Variants in TLN2 observed in about 807,000 individuals in gnomAD.
The protein encoded by TLN2 is talin 2, also known as talin-2.
TLN2 carries 118 observed loss-of-function variants against 294.7 expected under a neutral mutation model. The ratio of observed to expected loss-of-function variants is 0.40; its 90% CI spans 0.34 to 0.47. The LOEUF (loss-of-function observed/expected upper bound fraction) is 0.47. TLN2 is among the 20% of genes least tolerant of loss of function. TLN2 has a pLI of 0.84. For synonymous variants in TLN2, 1,431 were observed against 1,304.5 expected, an observed-to-expected ratio of 1.10 and a Z score of -2.09; for missense variants, 3,083 against 3,282.2, an observed-to-expected ratio of 0.94 and a Z score of 1.48.
intron 45 of TLN2, among the ~76,000 whole-genome samples, chr15:62,788,324 CAAAG>C (rs2064843089): frequency 6.6e-6 from 1 of 152,046 alleles, no homozygotes; most frequent in Non-Finnish European, 1.5e-5. Context: ...AAAAAAGAAA[CAAAG>C]AATTTCCTTT....
At chr15:62,631,649 C>CT (rs2049896649) in intron 3 of TLN2, among the ~76,000 whole-genome samples, 2 of 110,064 alleles carry the variant, frequency 1.8e-5, no homozygotes, top group South Asian at 5.7e-4. Flanking sequence ...CTCTTTCTTT[C>CT]CTTCTTTTTC....
rs1470195435 is a variant in TLN2 at position 62,805,451 on chromosome 15, G to A, written c.6478-149G>A. The A allele has an allele frequency of 1.6e-5, 12 of 754,610 alleles. No homozygotes were observed. In the East Asian group the frequency reaches 3.3e-4, roughly 21 times the overall value. The allele number at this position is 754,610 out of a possible 1,614,324, so 46.7% of individuals were successfully genotyped here. A position where few individuals can be genotyped will look rare whatever the true frequency, so the allele number is the denominator to read the frequency against. The stretch of plus-strand genomic sequence containing the variant: ...TCTTGAAAACAAGAACCATATTACT[G>A]TACTCAAATTTCTAATTTCGCCATG... On this transcript the variant is annotated intron_variant, in intron 50 of 58. Transcript: ENST00000636159.
At chr15:62,759,536 T>C (rs1490971226) in intron 37 of TLN2, among the ~76,000 whole-genome samples, 3 of 152,248 alleles carry the variant, frequency 2.0e-5, no homozygotes, top group Non-Finnish European at 4.4e-5. Context: ...TGAGTTGTCA[T>C]CTTTTTAGTC....
At chr15:62,465,114 T>G (rs1006989048) in intron 1 of TLN2, among the ~76,000 whole-genome samples, 1 of 143,150 alleles carries the variant, frequency 7.0e-6, no homozygotes, top group African/African-American at 2.6e-5. Flanking sequence ...GTTTTTTTTT[T>G]TTTTTTTTTT....
At chr15:62,782,243 G>A (rs2064238584) in intron 44 of TLN2, among the ~76,000 whole-genome samples, 1 of 152,216 alleles carries the variant, frequency 6.6e-6, no homozygotes. Context: ...TTCATTCATG[G>A]AAACTCTGTG....
intron 11 of TLN2, among the ~76,000 whole-genome samples, chr15:62,684,625 G>A (rs1029885193): frequency 4.6e-5 from 7 of 151,808 alleles, no homozygotes; most frequent in Admixed American, 3.9e-4. Flanking sequence ...AGATGCCCAT[G>A]GTGAGGGCGG....
At chr15:62,561,537 C>T (rs1427762607) in intron 1 of TLN2, 1 of 152,276 alleles carries the variant, frequency 6.6e-6, no homozygotes, top group Admixed American at 6.5e-5. Flanking sequence ...AACTTCTCCG[C>T]CCTTCTCTTG....
At chr15:62,526,090 A>G (rs541692935) in intron 1 of TLN2, among the ~76,000 whole-genome samples, 15 of 152,338 alleles carry the variant, frequency 9.8e-5, no homozygotes, top group African/African-American at 3.1e-4. Flanking sequence ...TACATACTCA[A>G]TTAACAAACT....
Position 62,708,492 on chromosome 15 carries a change from C to A in TLN2, c.2173-10C>A, listed in dbSNP as rs2059212767. ...CACAGTGCCCAAAACCTGTTCCTGT[C>A]TCACTTCAGGTTGTGAGCCCCACTA... On this transcript the variant is annotated splice_polypyrimidine_tract_variant and intron_variant, in intron 20 of 58. Transcript: ENST00000636159. 6.2e-6 allele frequency: 10 copies of A among 1,609,712 alleles called. No homozygotes were observed. Among genetic ancestry groups the A allele is most frequent in the Non-Finnish European group, 8.5e-6 (10 of 1,176,428 alleles).
intron 12 of TLN2, among the ~76,000 whole-genome samples, chr15:62,687,179 G>T (rs2057355704): frequency 6.6e-6 from 1 of 152,206 alleles, no homozygotes; most frequent in Non-Finnish European, 1.5e-5. Context: ...ATGGTCCTAA[G>T]CATTGTGATT....
intron 35 of TLN2, 113 bp from the exon 36 acceptor site, chr15:62,753,660 G>A: frequency 7.4e-7 from 1 of 1,346,124 alleles, no homozygotes. Flanking sequence ...TGACCAGTTT[G>A]AACTGAGGAG....
chr15:62,737,232 G>T, intron 29 of TLN2, 146 bp downstream of exon 29: 2 of 807,566 alleles, frequency 2.5e-6, no homozygotes, highest in South Asian at 3.5e-5. Flanking sequence ...AACGATGCTG[G>T]CCATACATGA....
At chr15:62,487,754 T>G (rs1171654110) in intron 1 of TLN2, among the ~76,000 whole-genome samples, 1 of 151,824 alleles carries the variant, frequency 6.6e-6, no homozygotes, top group Non-Finnish European at 1.5e-5. Flanking sequence ...ATACAAAAAA[T>G]TAGCCGGGCA....
chr15:62,498,147 C>T (rs1344219290), intron 1 of TLN2, among the ~76,000 whole-genome samples: 9 of 114,046 alleles, frequency 7.9e-5, no homozygotes, highest in African/African-American at 3.6e-4. Flanking sequence ...GCGTGAGACC[C>T]TGCCTCAAAA....
intron 1 of TLN2, among the ~76,000 whole-genome samples, chr15:62,455,062 G>T (rs578028463): frequency 1.3e-5 from 2 of 152,258 alleles, no homozygotes; most frequent in South Asian, 4.1e-4. Context: ...CTAAGCACAA[G>T]GAATTTGAGC....
At chr15:62,525,607 C>G (rs945129795) in intron 1 of TLN2, among the ~76,000 whole-genome samples, 5 of 152,228 alleles carry the variant, frequency 3.3e-5, no homozygotes, top group Admixed American at 2.6e-4. Flanking sequence ...GAAAACATAA[C>G]TGCAGTCACC....
intron 1 of TLN2, among the ~76,000 whole-genome samples, chr15:62,535,196 C>A (rs1290102033): frequency 9.2e-5 from 14 of 152,178 alleles, no homozygotes; most frequent in Admixed American, 9.2e-4. Flanking sequence ...TCCTACTGTT[C>A]TACAGGAAAT....
At position 62,523,427 on chromosome 15, in the gene TLN2, A is replaced by G. The variant is rs1464825406; in HGVS notation, c.-237-66260A>G. Among the ~76,000 whole-genome samples, 7 of 152,210 alleles carry G rather than the reference A, an allele frequency of 4.6e-5. No homozygotes were observed. The South Asian group carries it at 8.3e-4, about 18-fold the overall frequency. On this transcript the variant is annotated intron_variant, in intron 1 of 58. Transcript: ENST00000636159. ...AAGGGGGTCAGAGGGCTTTAATTCT[A>G]TGCTAGTGAATAGCTGTATGTCCTT...
At chr15:62,713,645 T>C (rs910141870) in intron 22 of TLN2, among the ~76,000 whole-genome samples, 4 of 152,106 alleles carry the variant, frequency 2.6e-5, no homozygotes, top group African/African-American at 9.6e-5. Flanking sequence ...TGCCATTGCA[T>C]TCCATCCCGG....
Sources: allele counts gnomAD v4.1 joint callset (sites outside exome capture counted in the v4.1 genomes callset), GRCh38; gene constraint gnomAD v4.1.1; transcripts MANE v1.5; gene names NCBI Gene and HGNC (gene_info 2026-07-23, HGNC 2026-07-21).